DLG2: variants seen among roughly 807,000 people sequenced by gnomAD.
DLG2 encodes discs large MAGUK scaffold protein 2, also known as disks large homolog 2.
In DLG2, 45 loss-of-function variants were observed where a neutral mutation model predicts 132.5. The observed-to-expected ratio is 0.34, with a 90% confidence interval of 0.27 to 0.44. The LOEUF (loss-of-function observed/expected upper bound fraction) is 0.44, where lower values mean the gene tolerates loss of function less well. Ranked by LOEUF, DLG2 falls within the 20% of genes least tolerant of loss-of-function variation. The probability of loss-of-function intolerance (pLI) is 1.00; values close to 1 mark genes in which losing one functional copy is unlikely to be tolerated. For synonymous variants in DLG2, 424 were observed against 419.6 expected (o/e 1.01, Z -0.13); for missense variants, 1,045 against 1,196.9 (o/e 0.87, Z 1.87).
intron 4 of DLG2, among the ~76,000 whole-genome samples, chr11:85,265,752 C>A (rs2077175558): frequency 6.6e-6 from 1 of 152,210 alleles, no homozygotes. Flanking sequence ...AGATCCTAGA[C>A]TCAGCCAGTA....
intron 6 of DLG2, among the ~76,000 whole-genome samples, chr11:84,676,431 A>C (rs1029542331): frequency 6.6e-6 from 1 of 152,108 alleles, no homozygotes; most frequent in East Asian, 1.9e-4. Context: ...AAACCCAGAA[A>C]GGTTAGATGT....
At chr11:85,571,497 C>A (rs2077842115) in intron 3 of DLG2, among the ~76,000 whole-genome samples, 1 of 152,108 alleles carries the variant, frequency 6.6e-6, no homozygotes, top group East Asian at 1.9e-4. Context: ...AACCCTCATG[C>A]AAGCAGTTAC....
At chr11:83,651,404 CT>C (rs957323839) in intron 18 of DLG2, among the ~76,000 whole-genome samples, 2 of 152,166 alleles carry the variant, frequency 1.3e-5, no homozygotes, top group African/African-American at 4.8e-5. Context: ...AGGGGTCTAG[CT>C]TGGGTGACAG....
At chr11:84,432,527 C>T (rs1360582314) in intron 7 of DLG2, among the ~76,000 whole-genome samples, 1 of 143,776 alleles carries the variant, frequency 7.0e-6, no homozygotes, top group East Asian at 1.9e-4. Flanking sequence ...AAGAGCAAGG[C>T]TAATTTAATC....
intron 7 of DLG2, among the ~76,000 whole-genome samples, chr11:84,301,737 T>C (rs2098157469): frequency 6.6e-6 from 1 of 151,828 alleles, no homozygotes; most frequent in Admixed American, 6.6e-5. Flanking sequence ...TACACTGTTT[T>C]ACACTGTTGG....
chr11:85,267,272 A>T (rs1311642966), intron 4 of DLG2, among the ~76,000 whole-genome samples: 1 of 152,212 alleles, frequency 6.6e-6, no homozygotes, highest in Non-Finnish European at 1.5e-5. Context: ...CAGGGCTTTT[A>T]CCAGGAATTC....
intron 18 of DLG2, chr11:83,684,605 G>C (rs1343009956): frequency 6.6e-6 from 1 of 152,132 alleles, no homozygotes; most frequent in Non-Finnish European, 1.5e-5. Context: ...AAACTGGTAA[G>C]AAAAGTCAGA....
chr11:84,610,630 C>T (rs1193605899), intron 6 of DLG2, among the ~76,000 whole-genome samples: 1 of 152,132 alleles, frequency 6.6e-6, no homozygotes, highest in Non-Finnish European at 1.5e-5. Flanking sequence ...AGCCCCTCCC[C>T]TGGCCTGGCC....
intron 9 of DLG2, among the ~76,000 whole-genome samples, chr11:84,156,193 C>T (rs979524860): frequency 1.3e-5 from 2 of 152,094 alleles, no homozygotes; most frequent in African/African-American, 2.4e-5. Context: ...CAATCTGAGC[C>T]GCTCAGCCAT....
intron 9 of DLG2, among the ~76,000 whole-genome samples, chr11:84,162,445 A>G (rs2095567874): frequency 6.6e-6 from 1 of 152,020 alleles, no homozygotes; most frequent in East Asian, 1.9e-4. Context: ...TATTTTTCTA[A>G]AGTATTATTT....
At chr11:84,033,354 T>C (rs532277409) in intron 11 of DLG2, among the ~76,000 whole-genome samples, 1 of 152,290 alleles carries the variant, frequency 6.6e-6, no homozygotes, top group South Asian at 2.1e-4. Context: ...AAGACTTTGG[T>C]GGAGAAGTAA....
intron 7 of DLG2, among the ~76,000 whole-genome samples, chr11:84,508,400 C>CTT (rs371285075): frequency 0.036 from 5,116 of 141,056 alleles, 259 homozygotes; most frequent in African/African-American, 0.11. Context: ...CTTTCTTTAC[C>CTT]TTTTTTTTTT....
chr11:84,791,550 C>G (rs61897876), intron 6 of DLG2, among the ~76,000 whole-genome samples: 18,850 of 152,136 alleles, frequency 0.12, 1,545 homozygotes, highest in Non-Finnish European at 0.17. Context: ...ATTTTAACAA[C>G]ATTGATTCTT....
At chr11:85,022,635 T>C (rs1388525867) in intron 6 of DLG2, among the ~76,000 whole-genome samples, 1 of 152,110 alleles carries the variant, frequency 6.6e-6, no homozygotes, top group Non-Finnish European at 1.5e-5. Flanking sequence ...ATTTAAAATA[T>C]CTTTAATAAT....
chr11:85,132,105 T>C (rs2075759174), intron 5 of DLG2, among the ~76,000 whole-genome samples: 1 of 152,214 alleles, frequency 6.6e-6, no homozygotes, highest in Non-Finnish European at 1.5e-5. Context: ...GTTTTGCTAT[T>C]TTCTGTAAAA....
At chr11:83,916,717 T>G (rs572296214) in intron 15 of DLG2, among the ~76,000 whole-genome samples, 13 of 152,294 alleles carry the variant, frequency 8.5e-5, no homozygotes, top group African/African-American at 3.1e-4. Context: ...CCAATCATAC[T>G]TCCCTGAGGT....
intron 3 of DLG2, among the ~76,000 whole-genome samples, chr11:85,308,178 A>AATAATATAAT (rs149565238): frequency 7.0e-5 from 10 of 143,478 alleles, no homozygotes; most frequent in Admixed American, 2.1e-4. Context: ...AATAAAATAA[A>AATAATATAAT]ATAAAATAAA....
chr11:84,026,247 C>A (rs918814076), intron 11 of DLG2, among the ~76,000 whole-genome samples: 1 of 152,030 alleles, frequency 6.6e-6, no homozygotes, highest in Non-Finnish European at 1.5e-5. Flanking sequence ...TTTTACCTCC[C>A]ACTGAAGTGA....
At chr11:84,365,757 C>A (rs7395855) in intron 7 of DLG2, among the ~76,000 whole-genome samples, 56,375 of 151,396 alleles carry the variant, frequency 0.37, 14,992 homozygotes, top group African/African-American at 0.76. Context: ...TTCTGCCTTC[C>A]TTTCGTTATG....
Sources: gnomAD v4.1 joint callset for allele counts (sites outside exome capture counted in the v4.1 genomes callset) on GRCh38, gnomAD v4.1.1 for gene constraint, MANE v1.5 for transcripts, NCBI Gene and HGNC (gene_info 2026-07-23, HGNC 2026-07-21) for gene names.